Variants in SF3A1 observed in about 807,000 individuals in gnomAD.
SF3A1 encodes SAP 114.
Under a neutral mutation model 89.9 loss-of-function variants are expected in SF3A1, and 13 were observed. The observed-to-expected ratio is 0.14, with a 90% CI of 0.09 to 0.23. SF3A1 has a LOEUF of 0.23. SF3A1 is among the 10% of genes least tolerant of loss of function. SF3A1 has a pLI of 1.00. For missense variants in SF3A1, 604 were observed against 1,022.1 expected (o/e 0.59, Z 5.58); for synonymous variants, 405 against 374.4 (o/e 1.08, Z -0.94).
At position 30,337,892 on chromosome 22, in the gene SF3A1, T is replaced by A. The variant is rs774236565; in HGVS notation, c.1749A>T (p.Pro583=). 1.2e-6 allele frequency: 2 copies of A among 1,601,380 alleles called. No individual in the cohort carries two copies. Among genetic ancestry groups the A allele is most frequent in the South Asian group, 2.3e-5 (2 of 87,978 alleles). ...AGACAACTGTAGTACGAACTGGAGG[T>A]GGCATCTGTGCAGGAAAGAGACCCA... The part of the protein sequence containing the change: ...ITSVPRPPTM[P]PPVRTTVVSA... Residue 583 remains proline (P), a synonymous_variant, in exon 12 of 16, where the codon CCA becomes CCT. Coordinates refer to ENST00000215793, the MANE Select transcript of SF3A1 (RefSeq NM_005877.6).
chr22:30,345,538 C>A (rs1368443610), intron 3 of SF3A1, among the ~76,000 whole-genome samples: 1 of 152,136 alleles, frequency 6.6e-6, no homozygotes, highest in Non-Finnish European at 1.5e-5. Flanking sequence ...GTGCAGAAGG[C>A]CTACATGTGT....
At position 30,347,330 on chromosome 22, in the gene SF3A1, T is replaced by C. The variant is rs201787701; in HGVS notation, c.186-811A>G. Among the ~76,000 whole-genome samples, 4 of 152,062 alleles carry C rather than the reference T, an allele frequency of 2.6e-5. No homozygotes were observed. The East Asian group carries it at 7.7e-4, about 29-fold the overall frequency. On this transcript the variant is annotated intron_variant, in intron 2 of 15. Coordinates refer to ENST00000215793, the MANE Select transcript of SF3A1 (RefSeq NM_005877.6). ...AAACAAACAAACAAAAAACAAATAG[T>C]TGGTTTAACGCCTTGTCCAAGTACT...
Position 30,335,667 on chromosome 22 carries a change from G to C in SF3A1, c.2193C>G (p.Leu731=). Residue 731 remains leucine (L), a synonymous_variant, in exon 14 of 16, where the codon CTC becomes CTG. Transcript: ENST00000215793. ...KLNGQVLVFT[L]PLTDQVSVIK... is the part of the protein sequence containing the mutation. Reference sequence around the variant, plus strand: ...GTACCCATACCTGGTCCGTGAGTGGGAGGGTGAAGACCAGCACCTGCCCAT... The same window carrying C: ...GTACCCATACCTGGTCCGTGAGTGGCAGGGTGAAGACCAGCACCTGCCCAT... 1 of 1,614,202 alleles carries C rather than the reference G, an allele frequency of 6.2e-7. No homozygotes were observed. The highest frequency in any genetic ancestry group is 2.2e-5 in the East Asian group (1 of 44,880).
intron 13 of SF3A1, 80 bp downstream of exon 13, chr22:30,336,946 G>C: frequency 6.5e-7 from 1 of 1,543,628 alleles, no homozygotes; most frequent in Non-Finnish European, 8.9e-7. Flanking sequence ...AGTGAAATAG[G>C]GTCAGTTTCG....
intron 3 of SF3A1, 37 bp downstream of exon 3, chr22:30,346,275 A>G: frequency 7.2e-7 from 1 of 1,381,604 alleles, no homozygotes; most frequent in Non-Finnish European, 1.0e-6. Flanking sequence ...TTCCCTCTCA[A>G]GCCCTGCGTA....
chr22:30,352,904 T>C lies in SF3A1; in HGVS notation c.185+47A>G, dbSNP rs780118830. The stretch of plus-strand genomic sequence containing the variant: ...CTTGTGCTGATTCAGTGCTGAAGTC[T>C]CTTCATGCTGAAACCCACCTCTGAC... On this transcript the variant is annotated intron_variant, in intron 2 of 15. Coordinates refer to ENST00000215793, the MANE Select transcript of SF3A1 (RefSeq NM_005877.6). The C allele has an allele frequency of 3.7e-6, 6 of 1,608,708 alleles. No homozygotes were observed. The Admixed American group carries it at 1.0e-4, about 27-fold the overall frequency.
At chr22:30,338,732 T>C (rs1316451166) in intron 11 of SF3A1, 57 bp downstream of exon 11, 3 of 1,609,694 alleles carry the variant, frequency 1.9e-6, no homozygotes, top group African/African-American at 2.7e-5. Flanking sequence ...GCCAACAGTG[T>C]CCGACCTCAA....
At chr22:30,353,718 C>T (rs1322422984) in intron 1 of SF3A1, among the ~76,000 whole-genome samples, 1 of 152,050 alleles carries the variant, frequency 6.6e-6, no homozygotes, top group Non-Finnish European at 1.5e-5. Flanking sequence ...ATTTCTTTTT[C>T]GGGGAGCTCG....
At chr22:30,345,949 T>A (rs1036153703) in intron 3 of SF3A1, among the ~76,000 whole-genome samples, 1 of 152,098 alleles carries the variant, frequency 6.6e-6, no homozygotes, top group African/African-American at 2.4e-5. Flanking sequence ...CACTGCATCC[T>A]TCAGCACAGC....
Position 30,346,338 on chromosome 22 carries a change from T to TCTGCTG in SF3A1, c.361_366dup (p.Gln121_Gln122dup). The TCTGCTG allele has an allele frequency of 6.2e-7, 1 of 1,612,402 alleles. No homozygotes were observed. Among genetic ancestry groups the TCTGCTG allele is most frequent in the Non-Finnish European group, 8.5e-7 (1 of 1,178,714 alleles). On this transcript the variant is annotated inframe_insertion, in exon 3 of 16. Transcript: ENST00000215793. ...TTCTGGGGCAGCTGCTGCTGGGTGG[T>TCTGCTG]CTGCTGCTGCTGCTGCATGACCTTG...
intron 4 of SF3A1, among the ~76,000 whole-genome samples, chr22:30,344,159 T>C (rs8141656): frequency 0.15 from 23,055 of 151,852 alleles, 2,340 homozygotes; most frequent in South Asian, 0.38. Flanking sequence ...GGAGTAAAAA[T>C]GCCAGAGCTC....
At chr22:30,335,441 A>C in intron 15 of SF3A1, 26 bp downstream of exon 15, 2 of 1,602,532 alleles carry the variant, frequency 1.2e-6, no homozygotes, top group Non-Finnish European at 1.7e-6. Flanking sequence ...GACCCAAGGG[A>C]CAGGTCTGTG....
At chr22:30,348,276 C>T (rs900765443) in intron 2 of SF3A1, among the ~76,000 whole-genome samples, 3 of 152,216 alleles carry the variant, frequency 2.0e-5, no homozygotes, top group African/African-American at 7.2e-5. Context: ...CACACCAAGG[C>T]ATGGCCCCGG....
intron 9 of SF3A1, among the ~76,000 whole-genome samples, 144 bp downstream of exon 9, chr22:30,340,032 ATGGGGAGTTCTTCTGGAAAG>A (rs1330364926): frequency 6.6e-6 from 1 of 152,176 alleles, no homozygotes; most frequent in African/African-American, 2.4e-5. Flanking sequence ...GGGAATTTCT[ATGGGGAGTTCTTCTGGAAAG>A]TGGGGAGTTC....
At chr22:30,353,759 C>T (rs1053667121) in intron 1 of SF3A1, among the ~76,000 whole-genome samples, 2 of 152,078 alleles carry the variant, frequency 1.3e-5, no homozygotes, top group Admixed American at 6.6e-5. Flanking sequence ...CCGACGCTCC[C>T]GGATGAATAA....
At chr22:30,348,562 A>C (rs1931489568) in intron 2 of SF3A1, among the ~76,000 whole-genome samples, 1 of 152,140 alleles carries the variant, frequency 6.6e-6, no homozygotes, top group African/African-American at 2.4e-5. Flanking sequence ...ATCAACCACC[A>C]CAGCAATTAT....
At chr22:30,350,805 CA>C (rs972554202) in intron 2 of SF3A1, among the ~76,000 whole-genome samples, 1 of 152,136 alleles carries the variant, frequency 6.6e-6, no homozygotes, top group African/African-American at 2.4e-5. Context: ...TTTAAAGTAT[CA>C]GGGGAAAAGG....
Position 30,335,848 on chromosome 22 carries a change from TGTGCATCTG to T in SF3A1, c.2107-104_2107-96del, listed in dbSNP as rs1569169412. ...CTAGGCCTGTCCAGACAATGTCACC[TGTGCATCTG>T]GGCTCCTGGATTCTGGCCTGATTCA... On this transcript the variant is annotated intron_variant, in intron 13 of 15. Transcript: ENST00000215793. 2.9e-6 allele frequency: 3 copies of T among 1,019,972 alleles called. No individual in the cohort carries two copies. The African/African-American group carries it at 4.7e-5, about 16-fold the overall frequency. The allele number at this position is 1,019,972 out of a possible 1,614,324, so 63.2% of individuals were successfully genotyped here. A position where few individuals can be genotyped will look rare whatever the true frequency, so the allele number is the denominator to read the frequency against.
chr22:30,350,913 A>G (rs1223691166), intron 2 of SF3A1, among the ~76,000 whole-genome samples: 1 of 152,268 alleles, frequency 6.6e-6, no homozygotes, highest in African/African-American at 2.4e-5. Flanking sequence ...ACAATGTTCA[A>G]TCAAGCACAG....
Sources: allele counts gnomAD v4.1 joint callset (sites outside exome capture counted in the v4.1 genomes callset), GRCh38; gene constraint gnomAD v4.1.1; transcripts MANE v1.5; gene names NCBI Gene and HGNC (gene_info 2026-07-23, HGNC 2026-07-21).